FBXO16: variants seen among roughly 807,000 people sequenced by gnomAD.
The protein encoded by FBXO16 is F-box only protein 16.
In FBXO16, 31 loss-of-function variants were observed where a neutral mutation model predicts 41.0. The ratio of observed to expected loss-of-function variants is 0.76; its 90% CI spans 0.57 to 1.02. FBXO16 has a LOEUF of 1.02. Among genes scored for constraint, FBXO16 ranks in the 50% least tolerant of loss-of-function variants. FBXO16 has a pLI of 0.00. For missense variants in FBXO16, 361 were observed against 346.2 expected (o/e 1.04, Z -0.34); for synonymous variants, 133 against 117.8 (o/e 1.13, Z -0.84).
At chr8:28,477,291 C>T (rs937403295) in intron 2 of FBXO16, among the ~76,000 whole-genome samples, 4 of 152,212 alleles carry the variant, frequency 2.6e-5, no homozygotes, top group Admixed American at 2.6e-4. Flanking sequence ...TAAAATTTCA[C>T]TGATCATTGG....
At chr8:28,433,494 T>C (rs1451778546) in intron 7 of FBXO16, among the ~76,000 whole-genome samples, 1 of 152,184 alleles carries the variant, frequency 6.6e-6, no homozygotes, top group African/African-American at 2.4e-5. Flanking sequence ...CTGCTAGGTT[T>C]CCAGTACCAG....
chr8:28,474,064 C>T (rs1206844414), intron 2 of FBXO16, among the ~76,000 whole-genome samples: 1 of 151,588 alleles, frequency 6.6e-6, no homozygotes, highest in African/African-American at 2.4e-5. Context: ...TGGCTCACAC[C>T]TGTAATCCCA....
At chr8:28,487,887 C>CT (rs200746439) in intron 1 of FBXO16, among the ~76,000 whole-genome samples, 1,627 of 150,828 alleles carry the variant, frequency 0.011, 17 homozygotes, top group Middle Eastern at 0.055. Flanking sequence ...AAATCTTGCT[C>CT]TGTCGCCCAG....
intron 2 of FBXO16, among the ~76,000 whole-genome samples, chr8:28,475,217 G>A (rs1803405574): frequency 6.6e-6 from 1 of 152,156 alleles, no homozygotes; most frequent in African/African-American, 2.4e-5. Context: ...CACACATCAT[G>A]CTTTCCTTCC....
intron 2 of FBXO16, among the ~76,000 whole-genome samples, chr8:28,478,385 C>T (rs898541048): frequency 5.9e-5 from 9 of 152,036 alleles, no homozygotes; most frequent in South Asian, 4.2e-4. Context: ...TCAGACCTGG[C>T]GGGGGTGGGT....
chr8:28,434,743 C>A (rs939726159), intron 7 of FBXO16, among the ~76,000 whole-genome samples: 1 of 152,244 alleles, frequency 6.6e-6, no homozygotes, highest in African/African-American at 2.4e-5. Flanking sequence ...GTCTACTGGG[C>A]CTGCTGTGCT....
intron 7 of FBXO16, among the ~76,000 whole-genome samples, chr8:28,433,104 TAAC>T (rs10551699): frequency 8.3e-5 from 11 of 132,886 alleles, no homozygotes; most frequent in African/African-American, 1.6e-4. Flanking sequence ...AAACAAAACA[TAAC>T]AACAACAACA....
intron 5 of FBXO16, chr8:28,455,794 A>C (rs1267071520): frequency 6.6e-6 from 1 of 152,226 alleles, no homozygotes; most frequent in Non-Finnish European, 1.5e-5. Flanking sequence ...AATCAGAAAG[A>C]CTTTTATCAT....
intron 1 of FBXO16, among the ~76,000 whole-genome samples, chr8:28,486,021 G>A (rs185975422): frequency 2.3e-4 from 35 of 150,972 alleles, no homozygotes; most frequent in African/African-American, 6.6e-4. Flanking sequence ...CAGGAGAATC[G>A]CTTAAACCCA....
chr8:28,469,468 A>T (rs1297317778), intron 3 of FBXO16, among the ~76,000 whole-genome samples: 3 of 152,102 alleles, frequency 2.0e-5, no homozygotes, highest in Non-Finnish European at 4.4e-5. Context: ...ATTAGCTGGG[A>T]CTTGAGGCAT....
At chr8:28,474,150 T>A (rs1483389511) in intron 2 of FBXO16, among the ~76,000 whole-genome samples, 2 of 151,118 alleles carry the variant, frequency 1.3e-5, no homozygotes, top group African/African-American at 4.9e-5. Context: ...ATGGTGAGAC[T>A]CTATCTCTAC....
intron 1 of FBXO16, among the ~76,000 whole-genome samples, chr8:28,484,716 C>T (rs1326418080): frequency 2.6e-5 from 4 of 152,168 alleles, no homozygotes; most frequent in Non-Finnish European, 5.9e-5. Flanking sequence ...CTCAGCCTCC[C>T]GGGTAGCTGG....
intron 7 of FBXO16, among the ~76,000 whole-genome samples, chr8:28,439,646 G>A (rs1293891868): frequency 6.6e-6 from 1 of 152,072 alleles, no homozygotes; most frequent in Non-Finnish European, 1.5e-5. Flanking sequence ...GGGAGGCTGA[G>A]GTGGGAGGAT....
chr8:28,432,334 C>T (rs1388715636), intron 7 of FBXO16, among the ~76,000 whole-genome samples: 3 of 151,824 alleles, frequency 2.0e-5, no homozygotes, highest in Admixed American at 6.6e-5. Context: ...ATTAGCGGGG[C>T]GTGGTGGCGG....
intron 7 of FBXO16, among the ~76,000 whole-genome samples, chr8:28,441,444 A>T (rs1009806035): frequency 6.6e-6 from 1 of 152,172 alleles, no homozygotes; most frequent in Non-Finnish European, 1.5e-5. Flanking sequence ...TGTTAAAATT[A>T]AAAATATAGG....
chr8:28,483,591 G>C, intron 1 of FBXO16, 129 bp from the exon 2 acceptor site: 1 of 632,630 alleles, frequency 1.6e-6, no homozygotes, highest in Non-Finnish European at 2.8e-6. Flanking sequence ...GGCTGAGGTG[G>C]GCGGATCACT....
At chr8:28,457,012 T>C in intron 4 of FBXO16, 82 bp from the exon 5 acceptor site, 1 of 1,479,344 alleles carries the variant, frequency 6.8e-7, no homozygotes. Flanking sequence ...GGTTTTGAGC[T>C]GTCATCCTGG....
rs1803046522 is a variant in FBXO16 at position 28,456,824 on chromosome 8, C to G, written c.449G>C (p.Gly150Ala). The G allele has an allele frequency of 6.2e-7, 1 of 1,613,958 alleles. No homozygotes were observed. The highest frequency in any genetic ancestry group is 8.5e-7 in the Non-Finnish European group (1 of 1,179,998). The change falls in exon 5 of 9, where the codon GGG becomes GCG. Residue 150 changes from glycine (G) to alanine (A), a missense_variant. Coordinates refer to ENST00000380254, the MANE Select transcript of FBXO16 (RefSeq NM_172366.4). ...INFSPTPFEQGIWKKHYIQMV... is the reference protein window; with the variant it reads ...INFSPTPFEQAIWKKHYIQMV... ...TTGAATATAGTGCTTCTTCCAGATC[C>G]CCTGCTCAAAGGGAGTTGGAGAGAA...
chr8:28,463,687 T>G lies in FBXO16; in HGVS notation c.267A>C (p.Thr89=), dbSNP rs1460593586. 1 of 1,614,242 alleles carries G rather than the reference T, an allele frequency of 6.2e-7. No homozygotes were observed. The highest frequency in any genetic ancestry group is 8.5e-7 in the Non-Finnish European group (1 of 1,180,038). ...AAGATAACACCCTTGGAAGCTTGGT[T>G]GTAAAGTCCAGGGCTTCTGCTGGAA... The part of the protein sequence containing the change: ...EKIPAEALDF[T]TKLPRVLSLY... Residue 89 remains threonine (T), a synonymous_variant, in exon 4 of 9, where the codon ACA becomes ACC. Transcript: ENST00000380254.
Sources: gnomAD v4.1 joint callset for allele counts (sites outside exome capture counted in the v4.1 genomes callset) on GRCh38, gnomAD v4.1.1 for gene constraint, MANE v1.5 for transcripts, NCBI Gene and HGNC (gene_info 2026-07-23, HGNC 2026-07-21) for gene names.